The following PHACTR1 variants were observed in gnomAD, a reference collection of about 807,000 sequenced individuals.
PHACTR1 encodes phosphatase and actin regulator 1, also known as RPEL repeat containing 1.
Under a neutral mutation model 69.2 loss-of-function variants are expected in PHACTR1, and 16 were observed. The observed-to-expected ratio is 0.23, with a 90% confidence interval of 0.16 to 0.35. PHACTR1 has a LOEUF of 0.35. PHACTR1 is among the 10% of genes least tolerant of loss of function. The pLI, the probability that PHACTR1 is intolerant of heterozygous loss-of-function variation, is 1.00. For missense variants in PHACTR1, 510 were observed against 734.7 expected, an observed-to-expected ratio of 0.69 and a Z score of 3.54; for synonymous variants, 312 against 284.5, an observed-to-expected ratio of 1.10 and a Z score of -0.97.
intron 4 of PHACTR1, among the ~76,000 whole-genome samples, chr6:12,796,070 A>AT (rs929472299): frequency 7.2e-5 from 11 of 152,084 alleles, no homozygotes; most frequent in African/African-American, 2.4e-4. Context: ...AAATTGTTTT[A>AT]TTTTTTTCTA....
intron 3 of PHACTR1, among the ~76,000 whole-genome samples, chr6:12,721,438 T>C (rs905151190): frequency 2.0e-5 from 3 of 151,732 alleles, no homozygotes; most frequent in Non-Finnish European, 4.4e-5. Context: ...TGTGGCCTGA[T>C]AAAAGTTAAA....
intron 4 of PHACTR1, among the ~76,000 whole-genome samples, chr6:12,879,979 G>T (rs754688526): frequency 6.6e-6 from 1 of 152,072 alleles, no homozygotes; most frequent in East Asian, 1.9e-4. Context: ...ACTCATTAAG[G>T]CCACATTATT....
Position 12,957,283 on chromosome 6 carries a change from C to T in PHACTR1, c.251-96082C>T, listed in dbSNP as rs1052427260. 19 of 623,232 alleles carry T rather than the reference C, an allele frequency of 3.0e-5. No homozygotes were observed. The Middle Eastern group carries it at 2.4e-3, about 79-fold the overall frequency. The allele number at this position is 623,232 out of a possible 1,614,324, so 38.6% of individuals were successfully genotyped here. A position where few individuals can be genotyped will look rare whatever the true frequency, so the allele number is the denominator to read the frequency against. On this transcript the variant is annotated intron_variant, in intron 4 of 14. Coordinates refer to ENST00000332995, the MANE Select transcript of PHACTR1 (RefSeq NM_030948.6). ...AAAAAAAAAAAAAAAAAAGCCCAGG[C>T]TGTGAGTTCCAGACTTCCAAGCTGC...
chr6:12,802,893 T>C (rs1406582034), intron 4 of PHACTR1, among the ~76,000 whole-genome samples: 1 of 152,202 alleles, frequency 6.6e-6, no homozygotes. Context: ...GAGTTTGGTT[T>C]CCCATTTTAA....
chr6:12,734,246 A>G (rs950161021), intron 3 of PHACTR1, among the ~76,000 whole-genome samples: 1 of 152,220 alleles, frequency 6.6e-6, no homozygotes, highest in Non-Finnish European at 1.5e-5. Context: ...AGGAAACCAA[A>G]GCTTGGAGAG....
intron 5 of PHACTR1, among the ~76,000 whole-genome samples, chr6:13,095,781 G>GTT (rs1814133192): frequency 6.3e-5 from 1 of 15,780 alleles, no homozygotes. Context: ...TTTTTTTTTT[G>GTT]TTAGACCAGG....
chr6:12,996,799 T>C (rs1797459992), intron 4 of PHACTR1, among the ~76,000 whole-genome samples: 1 of 152,250 alleles, frequency 6.6e-6, no homozygotes. Flanking sequence ...TTTATGAACG[T>C]AAATTAAATG....
chr6:12,738,139 C>T (rs1764539078), intron 3 of PHACTR1, among the ~76,000 whole-genome samples: 1 of 152,178 alleles, frequency 6.6e-6, no homozygotes, highest in African/African-American at 2.4e-5. Flanking sequence ...TAATTTCACA[C>T]CCTTAATTTG....
Position 13,283,264 on chromosome 6 carries a change from C to T in PHACTR1, c.1510-158C>T, listed in dbSNP as rs900219469. The T allele has an allele frequency of 8.3e-6, 6 of 721,682 alleles. No homozygotes were observed. The highest frequency in any genetic ancestry group is 1.1e-5 in the Non-Finnish European group (5 of 452,168). 44.7% of individuals were successfully genotyped at this position (721,682 alleles called of 1,614,324 possible). A position where few individuals can be genotyped will look rare whatever the true frequency, so the allele number is the denominator to read the frequency against. On this transcript the variant is annotated intron_variant, in intron 12 of 14. Coordinates refer to ENST00000332995, the MANE Select transcript of PHACTR1 (RefSeq NM_030948.6). The surrounding 1 kb of genome is among the most constrained non-coding windows in gnomAD (Gnocchi z 4.7). ...AAGAGTCAGGAGACTTGGGTCCCCC[C>T]ACCCTGGCCCTCCCCCTGCCCCTGC...
chr6:12,834,435 G>T (rs901791315), intron 4 of PHACTR1, among the ~76,000 whole-genome samples: 9 of 152,126 alleles, frequency 5.9e-5, no homozygotes, highest in Non-Finnish European at 1.3e-4. Flanking sequence ...AGTTAAGTAG[G>T]TTTAAAATGA....
intron 4 of PHACTR1, among the ~76,000 whole-genome samples, chr6:12,830,005 G>T: frequency 8.9e-6 from 1 of 112,562 alleles, no homozygotes; most frequent in Non-Finnish European, 1.9e-5. Context: ...AGAACGAAAA[G>T]AAGGAAGGAA....
At chr6:12,824,110 C>T (rs1200362791) in intron 4 of PHACTR1, among the ~76,000 whole-genome samples, 2 of 152,128 alleles carry the variant, frequency 1.3e-5, no homozygotes, top group African/African-American at 2.4e-5. Flanking sequence ...TGAGCTCTGC[C>T]TCCCGTCAGA....
At chr6:13,114,896 A>G (rs774991167) in intron 5 of PHACTR1, among the ~76,000 whole-genome samples, 9 of 152,246 alleles carry the variant, frequency 5.9e-5, no homozygotes, top group Non-Finnish European at 1.2e-4. Flanking sequence ...TTGAGCACTT[A>G]CTATATCCCA....
chr6:12,837,699 G>T (rs991916521), intron 4 of PHACTR1, among the ~76,000 whole-genome samples: 2 of 152,174 alleles, frequency 1.3e-5, no homozygotes, highest in Admixed American at 1.3e-4. Flanking sequence ...AACAACCTAA[G>T]CAGCAACATT....
At chr6:12,922,888 G>A (rs1176339247) in intron 4 of PHACTR1, among the ~76,000 whole-genome samples, 1 of 152,116 alleles carries the variant, frequency 6.6e-6, no homozygotes, top group African/African-American at 2.4e-5. Flanking sequence ...AAAAGGAATA[G>A]CACCTCCTCC....
intron 4 of PHACTR1, among the ~76,000 whole-genome samples, chr6:12,789,212 A>G (rs1307118538): frequency 6.6e-6 from 1 of 152,130 alleles, no homozygotes; most frequent in Admixed American, 6.5e-5. Context: ...TGAAATTTTC[A>G]CACCTCATCT....
rs10664160 is a variant in PHACTR1, at chr6:13,073,331, A to ATTTTTTTTTTTTTTTT, written c.415+19817_415+19832dup. 2.7e-4 allele frequency among the ~76,000 whole-genome samples: 18 copies of ATTTTTTTTTTTTTTTT among 65,692 alleles called. 2 individuals are homozygous for ATTTTTTTTTTTTTTTT. Among genetic ancestry groups the ATTTTTTTTTTTTTTTT allele is most frequent in the African/African-American group, 1.1e-3 (16 of 14,716 alleles). The allele number at this position is 65,692 out of a possible 152,430, so 43.1% of individuals were successfully genotyped here. A position where few individuals can be genotyped will look rare whatever the true frequency, so the allele number is the denominator to read the frequency against. ...ATTCCTTCAACCAATCATTCCATGA[A>ATTTTTTTTTTTTTTTT]TTTTTTTTTTTTTTTTTTTTTTTTT... On this transcript the variant is annotated intron_variant, in intron 5 of 14. Transcript: ENST00000332995.
chr6:13,205,786 A>G lies in PHACTR1; in HGVS notation c.665-29A>G, dbSNP rs556981653. 2.7e-4 allele frequency: 421 copies of G among 1,549,696 alleles called. 5 individuals carry two copies. In the South Asian group the frequency reaches 4.8e-3, roughly 18 times the overall value. On this transcript the variant is annotated intron_variant, in intron 7 of 14. Transcript: ENST00000332995. ...TTTCTTCTGATGCCCCCAAACTCAC[A>G]TCTGCCTCTCGCCCTCTTTCTGCCA...
intron 4 of PHACTR1, among the ~76,000 whole-genome samples, chr6:12,911,354 A>G (rs1387918364): frequency 6.6e-6 from 1 of 152,176 alleles, no homozygotes. Flanking sequence ...CCAAAAAAAA[A>G]GAAAGAAAGA....
Sources: allele counts gnomAD v4.1 joint callset (sites outside exome capture counted in the v4.1 genomes callset), GRCh38; gene constraint gnomAD v4.1.1; non-coding constraint Gnocchi (gnomAD v3.1); transcripts MANE v1.5; gene names NCBI Gene and HGNC (gene_info 2026-07-23, HGNC 2026-07-21).